The following ZDHHC14 variants were observed in gnomAD, a reference collection of about 807,000 sequenced individuals.
ZDHHC14 encodes the protein palmitoyltransferase ZDHHC14.
Under a neutral mutation model 47.7 loss-of-function variants are expected in ZDHHC14, and 16 were observed. That is an observed-to-expected ratio of 0.34 (90% CI 0.23 to 0.51). The LOEUF is 0.51. Ranked by LOEUF, ZDHHC14 falls within the 20% of genes least tolerant of loss-of-function variation. The pLI, the probability that ZDHHC14 is intolerant of heterozygous loss-of-function variation, is 0.97. For synonymous variants in ZDHHC14, 293 were observed against 278.9 expected, an observed-to-expected ratio of 1.05 and a Z score of -0.50; for missense variants, 515 against 662.5, an observed-to-expected ratio of 0.78 and a Z score of 2.44.
At chr6:157,614,209 A>C (rs1326280739) in intron 3 of ZDHHC14, among the ~76,000 whole-genome samples, 2 of 152,194 alleles carry the variant, frequency 1.3e-5, no homozygotes, top group East Asian at 3.8e-4. Context: ...CCTACATCCC[A>C]TCAACAGTGC....
intron 1 of ZDHHC14, among the ~76,000 whole-genome samples, chr6:157,391,460 A>C (rs1254357693): frequency 6.6e-6 from 1 of 152,142 alleles, no homozygotes; most frequent in African/African-American, 2.4e-5. Flanking sequence ...GCTTCAGAGA[A>C]GATGTCTCTC....
intron 1 of ZDHHC14, among the ~76,000 whole-genome samples, chr6:157,500,657 G>C (rs1468195829): frequency 2.6e-5 from 4 of 152,138 alleles, no homozygotes; most frequent in African/African-American, 9.7e-5. Flanking sequence ...TTATTCTCCA[G>C]GTAGAGATGC....
intron 1 of ZDHHC14, among the ~76,000 whole-genome samples, chr6:157,435,732 G>A (rs563437903): frequency 6.6e-6 from 1 of 152,244 alleles, no homozygotes; most frequent in East Asian, 1.9e-4. Flanking sequence ...TAGAGACACT[G>A]TTTTGCCATG....
intron 7 of ZDHHC14, among the ~76,000 whole-genome samples, chr6:157,652,485 C>G (rs1777884910): frequency 6.6e-6 from 1 of 152,154 alleles, no homozygotes; most frequent in Non-Finnish European, 1.5e-5. Flanking sequence ...TTAGCTGAAC[C>G]TCCTGTTGCT....
intron 2 of ZDHHC14, among the ~76,000 whole-genome samples, chr6:157,580,679 G>C (rs1279625043): frequency 6.6e-6 from 1 of 151,404 alleles, no homozygotes. Context: ...TCTGCATAGA[G>C]GTGTTCATAG....
intron 2 of ZDHHC14, among the ~76,000 whole-genome samples, chr6:157,552,817 A>G (rs751269143): frequency 4.6e-5 from 7 of 152,064 alleles, no homozygotes; most frequent in African/African-American, 1.7e-4. Context: ...CTTATAATAC[A>G]CATCTGCAAG....
At chr6:157,464,755 C>G (rs1476250365) in intron 1 of ZDHHC14, among the ~76,000 whole-genome samples, 1 of 152,202 alleles carries the variant, frequency 6.6e-6, no homozygotes, top group African/African-American at 2.4e-5. Flanking sequence ...TGTGGGTTGA[C>G]TTGGTTCAGC....
chr6:157,622,118 C>A (rs536798240), intron 3 of ZDHHC14, among the ~76,000 whole-genome samples: 2 of 151,740 alleles, frequency 1.3e-5, no homozygotes, highest in African/African-American at 4.8e-5. Flanking sequence ...TGCCTGTAAT[C>A]CCAGCACTTT....
At chr6:157,627,274 C>T (rs1298949174) in intron 3 of ZDHHC14, among the ~76,000 whole-genome samples, 1 of 152,140 alleles carries the variant, frequency 6.6e-6, no homozygotes, top group African/African-American at 2.4e-5. Context: ...TCATATAGCA[C>T]TCCCGGTATA....
At chr6:157,470,063 A>G (rs1779317892) in intron 1 of ZDHHC14, among the ~76,000 whole-genome samples, 1 of 152,238 alleles carries the variant, frequency 6.6e-6, no homozygotes, top group Non-Finnish European at 1.5e-5. Context: ...AGCCTGGCAC[A>G]GCAGTGTCCA....
chr6:157,393,479 CA>C (rs1025683700), intron 1 of ZDHHC14, among the ~76,000 whole-genome samples: 1 of 152,204 alleles, frequency 6.6e-6, no homozygotes, highest in Non-Finnish European at 1.5e-5. Context: ...CTCATGAATA[CA>C]AGGCAACAGC....
intron 1 of ZDHHC14, among the ~76,000 whole-genome samples, chr6:157,471,037 A>C (rs1779341797): frequency 6.6e-6 from 1 of 152,210 alleles, no homozygotes; most frequent in Non-Finnish European, 1.5e-5. Flanking sequence ...AGTCTCTCCC[A>C]GGGACCTGAG....
chr6:157,575,951 C>T (rs763916432), intron 2 of ZDHHC14, among the ~76,000 whole-genome samples: 26 of 152,332 alleles, frequency 1.7e-4, no homozygotes, highest in Non-Finnish European at 3.1e-4. Flanking sequence ...CGGCTGCCTG[C>T]GGCCCGCCCT....
At chr6:157,550,395 T>C (rs533648272) in intron 2 of ZDHHC14, among the ~76,000 whole-genome samples, 1,940 of 150,498 alleles carry the variant, frequency 0.013, 59 homozygotes, top group African/African-American at 0.046. Context: ...GAGACTGCAG[T>C]GTCACACAGG....
intron 1 of ZDHHC14, among the ~76,000 whole-genome samples, chr6:157,467,016 C>T (rs1166653009): frequency 6.6e-6 from 1 of 152,136 alleles, no homozygotes. Context: ...TGCCTTTCCA[C>T]CCAGCCTACT....
At chr6:157,553,654 A>C (rs545806569) in intron 2 of ZDHHC14, among the ~76,000 whole-genome samples, 2 of 151,170 alleles carry the variant, frequency 1.3e-5, no homozygotes, top group Non-Finnish European at 3.0e-5. Context: ...GGCTGGGGGG[A>C]AATACAGCCT....
At chr6:157,522,789 ATTCC>A (rs1358742860) in intron 1 of ZDHHC14, among the ~76,000 whole-genome samples, 6 of 6,384 alleles carry the variant, frequency 9.4e-4, no homozygotes, top group African/African-American at 1.7e-3. Flanking sequence ...CTCTCTTTCC[ATTCC>A]TCCCTCCCTC....
Position 157,499,344 on chromosome 6 carries a change from C to T in ZDHHC14, c.246-43241C>T, listed in dbSNP as rs571175861. Reference sequence around the variant, plus strand: ...CTTGTGAGGGTGGCTTCCTGGTTTGCGGGTGGTGCCTTCTCCTTGTGTCCT... The same window carrying T: ...CTTGTGAGGGTGGCTTCCTGGTTTGTGGGTGGTGCCTTCTCCTTGTGTCCT... On this transcript the variant is annotated intron_variant, in intron 1 of 8. Coordinates refer to ENST00000359775, the MANE Select transcript of ZDHHC14 (RefSeq NM_024630.3). Among the ~76,000 whole-genome samples the T allele has an allele frequency of 7.2e-5, 11 of 152,228 alleles. No individual in the cohort carries two copies. In the South Asian group the frequency reaches 8.3e-4, roughly 11 times the overall value.
chr6:157,425,813 G>A (rs753137446), intron 1 of ZDHHC14, among the ~76,000 whole-genome samples: 10 of 152,228 alleles, frequency 6.6e-5, no homozygotes, highest in South Asian at 2.1e-4. Context: ...CAGCCACACC[G>A]GCTGTCTTGT....
Sources: gnomAD v4.1 joint callset for allele counts (sites outside exome capture counted in the v4.1 genomes callset) on GRCh38, gnomAD v4.1.1 for gene constraint, MANE v1.5 for transcripts, NCBI Gene and HGNC (gene_info 2026-07-23, HGNC 2026-07-21) for gene names.